The following TECRL variants were observed in gnomAD, a reference collection of about 807,000 sequenced individuals.
TECRL encodes trans-2,3-enoyl-CoA reductase-like.
In TECRL, 63 loss-of-function variants were observed where a neutral mutation model predicts 52.8. That is an observed-to-expected ratio of 1.19 (90% CI 0.97 to 1.47). The LOEUF is 1.47. Ranked by LOEUF, TECRL falls within the 40% of genes most tolerant of loss-of-function variation. The pLI, the probability that TECRL is intolerant of heterozygous loss-of-function variation, is 0.00. For synonymous variants in TECRL, 164 were observed against 141.9 expected (o/e 1.16, Z -1.10); for missense variants, 482 against 429.6 (o/e 1.12, Z -1.08).
In TECRL at chr4:64,279,413, A is replaced by C. The variant is rs1172277630; in HGVS notation, c.*659T>G. On this transcript the variant is annotated 3_prime_UTR_variant, in exon 12 of 12. Coordinates refer to ENST00000381210, the MANE Select transcript of TECRL (RefSeq NM_001010874.5). ...GTGCCACCACGCCCAGCTAATTTTT[A>C]CTTTTTAAAATTTTTTTGTAGAGAC... The C allele has an allele frequency of 6.6e-6, 1 of 151,950 alleles. No homozygotes were observed. The highest frequency in any genetic ancestry group is 2.4e-5 in the African/African-American group (1 of 41,358). 9.4% of individuals were successfully genotyped at this position (151,950 alleles called of 1,614,324 possible). A position where few individuals can be genotyped will look rare whatever the true frequency, so the allele number is the denominator to read the frequency against.
chr4:64,394,599 G>A (rs1723792114), intron 1 of TECRL, among the ~76,000 whole-genome samples: 1 of 152,054 alleles, frequency 6.6e-6, no homozygotes, highest in Admixed American at 6.6e-5. Context: ...ATATTAACAA[G>A]GTTATTTAAC....
Position 64,281,534 on chromosome 4 carries a change from T to C in TECRL, c.858A>G (p.Pro286=). 1.2e-6 allele frequency: 2 copies of C among 1,604,706 alleles called. No individual in the cohort carries two copies. The highest frequency in any genetic ancestry group is 2.2e-5 in the South Asian group (2 of 90,068). ...ACATCCATGTGAAGGGGTTATAATT[T>C]GGACTTGGGAAACAGGCATTGTTTC... ...HTGNNACFPS[P]NYNPFTWMFF... is the part of the protein sequence containing the mutation. The change falls in exon 10 of 12, where the codon CCA becomes CCG. Residue 286 remains proline, a synonymous_variant. Transcript: ENST00000381210.
intron 4 of TECRL, 72 bp downstream of exon 4, chr4:64,322,617 G>T (rs1009987908): frequency 5.7e-6 from 6 of 1,051,946 alleles, no homozygotes; most frequent in Admixed American, 2.6e-5. Flanking sequence ...TTATTTGATA[G>T]AATTAATCTG....
chr4:64,374,657 C>T (rs952399562), intron 2 of TECRL, among the ~76,000 whole-genome samples: 13 of 151,590 alleles, frequency 8.6e-5, no homozygotes, highest in Non-Finnish European at 1.5e-4. Context: ...TGAGAACATG[C>T]GGTGTTTGGT....
chr4:64,345,195 T>A (rs1011336568), intron 2 of TECRL, among the ~76,000 whole-genome samples: 4 of 152,142 alleles, frequency 2.6e-5, no homozygotes, highest in African/African-American at 9.7e-5. Flanking sequence ...GCCATCCCAT[T>A]ACTGGGTATA....
chr4:64,339,732 C>T (rs1719415455), intron 2 of TECRL, among the ~76,000 whole-genome samples: 1 of 152,072 alleles, frequency 6.6e-6, no homozygotes, highest in Admixed American at 6.6e-5. Context: ...CTAAGAAATG[C>T]ACTACCCCCA....
At chr4:64,305,100 C>G in intron 7 of TECRL, 66 bp downstream of exon 7, 1 of 1,124,340 alleles carries the variant, frequency 8.9e-7, no homozygotes, top group Non-Finnish European at 1.3e-6. Flanking sequence ...TTATGTATGT[C>G]ATTTAGAATA....
intron 1 of TECRL, among the ~76,000 whole-genome samples, chr4:64,388,169 G>A (rs984877061): frequency 1.4e-5 from 2 of 140,688 alleles, no homozygotes; most frequent in Non-Finnish European, 3.1e-5. Context: ...ATTTAGGTCT[G>A]ATATTTATTT....
intron 2 of TECRL, among the ~76,000 whole-genome samples, chr4:64,335,529 A>C (rs979674294): frequency 1.3e-5 from 2 of 152,184 alleles, no homozygotes; most frequent in African/African-American, 4.8e-5. Context: ...TGCTTGAATC[A>C]CCGTGAAACC....
In TECRL at chr4:64,278,901, C is replaced by T. The variant is rs992696627; in HGVS notation, c.*1171G>A. 2.6e-5 allele frequency: 4 copies of T among 152,118 alleles called. No homozygotes were observed. The highest frequency in any genetic ancestry group is 5.9e-5 in the Non-Finnish European group (4 of 68,002). The allele number at this position is 152,118 out of a possible 1,614,324, so 9.4% of individuals were successfully genotyped here. A position where few individuals can be genotyped will look rare whatever the true frequency, so the allele number is the denominator to read the frequency against. ...CCTGGCTTGTTTCACTTAACATATG[C>T]CCTCCAATTCCATCCATGTTGTCCT... On this transcript the variant is annotated 3_prime_UTR_variant, in exon 12 of 12. Transcript: ENST00000381210.
At chr4:64,395,741 G>T (rs538521504) in intron 1 of TECRL, among the ~76,000 whole-genome samples, 1 of 152,220 alleles carries the variant, frequency 6.6e-6, no homozygotes, top group East Asian at 1.9e-4. Flanking sequence ...TGACACAGGA[G>T]TTTGGTTATT....
intron 1 of TECRL, among the ~76,000 whole-genome samples, chr4:64,398,244 G>C (rs1384716): frequency 0.64 from 97,753 of 151,874 alleles, 32,656 homozygotes; most frequent in Non-Finnish European, 0.74. Flanking sequence ...TCTCAGGTGC[G>C]TCTAATGAGA....
chr4:64,405,670 G>T (rs148905463), intron 1 of TECRL, among the ~76,000 whole-genome samples: 4 of 151,976 alleles, frequency 2.6e-5, no homozygotes, highest in Non-Finnish European at 5.9e-5. Context: ...TCACTAGGAA[G>T]TTTTTTTTAA....
At chr4:64,368,493 G>A (rs968759096) in intron 2 of TECRL, among the ~76,000 whole-genome samples, 5 of 151,752 alleles carry the variant, frequency 3.3e-5, no homozygotes, top group African/African-American at 1.2e-4. Flanking sequence ...ACGGGGTTTC[G>A]CCCTGTTGAC....
intron 2 of TECRL, among the ~76,000 whole-genome samples, chr4:64,354,480 A>AT (rs1271923894): frequency 6.6e-6 from 1 of 152,126 alleles, no homozygotes; most frequent in East Asian, 1.9e-4. Context: ...TTTCTAGAAA[A>AT]TTTTTCCAAA....
intron 10 of TECRL, 125 bp from the exon 11 acceptor site, chr4:64,281,211 C>A: frequency 1.7e-6 from 1 of 599,146 alleles, no homozygotes; most frequent in Non-Finnish European, 2.8e-6. Context: ...AATACATTTT[C>A]AAGAAATAAT....
intron 1 of TECRL, among the ~76,000 whole-genome samples, chr4:64,403,492 C>CACACACACAT (rs1219787323): frequency 1.2e-4 from 19 of 152,036 alleles, no homozygotes; most frequent in African/African-American, 3.4e-4. Flanking sequence ...CACACACACA[C>CACACACACAT]ACACACACAC....
At chr4:64,292,015 C>A (rs919642785) in intron 8 of TECRL, among the ~76,000 whole-genome samples, 1 of 151,912 alleles carries the variant, frequency 6.6e-6, no homozygotes, top group Non-Finnish European at 1.5e-5. Context: ...TAAGCACTGG[C>A]TTTTACACCT....
rs1560464797 is a variant in TECRL, at chr4:64,278,630, T to C, written c.*1442A>G. 1 of 152,658 alleles carries C rather than the reference T, an allele frequency of 6.6e-6. No homozygotes were observed. Among genetic ancestry groups the C allele is most frequent in the Non-Finnish European group, 1.5e-5 (1 of 68,458 alleles). 9.5% of individuals were successfully genotyped at this position (152,658 alleles called of 1,614,324 possible). A position where few individuals can be genotyped will look rare whatever the true frequency, so the allele number is the denominator to read the frequency against. The stretch of plus-strand genomic sequence containing the variant: ...TTTTGTTGGGGACAAAATCTCCTTT[T>C]AGCTATTTGAAACTAAATGGAATAT... On this transcript the variant is annotated 3_prime_UTR_variant, in exon 12 of 12. Transcript: ENST00000381210.
Sources: gnomAD v4.1 joint callset for allele counts (sites outside exome capture counted in the v4.1 genomes callset) on GRCh38, gnomAD v4.1.1 for gene constraint, MANE v1.5 for transcripts, NCBI Gene and HGNC (gene_info 2026-07-23, HGNC 2026-07-21) for gene names.